Variants in EXOC6B observed in about 807,000 individuals in gnomAD.
The protein encoded by EXOC6B is SEC15 homolog B.
In EXOC6B, 54 loss-of-function variants were observed where a neutral mutation model predicts 113.5. That is an observed-to-expected ratio of 0.48 (90% CI 0.38 to 0.60). The LOEUF (loss-of-function observed/expected upper bound fraction) is 0.60. Among genes scored for constraint, EXOC6B ranks in the 20% least tolerant of loss-of-function variants. The pLI is 0.00. For missense variants in EXOC6B, 797 were observed against 977.5 expected, an observed-to-expected ratio of 0.82 and a Z score of 2.46; for synonymous variants, 357 against 339.0, an observed-to-expected ratio of 1.05 and a Z score of -0.58.
intron 16 of EXOC6B, among the ~76,000 whole-genome samples, chr2:72,484,230 TG>T (rs1414628940): frequency 6.6e-6 from 1 of 151,172 alleles, no homozygotes; most frequent in Non-Finnish European, 1.5e-5. Context: ...TATGTCATGG[TG>T]GTTTGCTGCA....
At chr2:72,550,778 A>G (rs1326126665) in intron 8 of EXOC6B, among the ~76,000 whole-genome samples, 1 of 152,176 alleles carries the variant, frequency 6.6e-6, no homozygotes, top group African/African-American at 2.4e-5. Context: ...AAAAATTTGT[A>G]TATTGACGAC....
At chr2:72,741,233 C>T (rs1681301978) in intron 2 of EXOC6B, 71 bp downstream of exon 2, 1 of 1,441,740 alleles carries the variant, frequency 6.9e-7, no homozygotes, top group Non-Finnish European at 9.4e-7. Flanking sequence ...ATGTTATAAT[C>T]CTTAATCCTT....
At chr2:72,700,768 T>C (rs555627709) in intron 6 of EXOC6B, among the ~76,000 whole-genome samples, 3 of 152,254 alleles carry the variant, frequency 2.0e-5, no homozygotes, top group Admixed American at 6.5e-5. Flanking sequence ...CTTGCCAATA[T>C]GGCAAAACCC....
rs182212866 is a variant in EXOC6B, at chr2:72,586,630, T to A, written c.670-10962A>T. On this transcript the variant is annotated intron_variant, in intron 6 of 21. Transcript: ENST00000272427. ...TGCTGGGCGTGGTGGCACATGCCTG[T>A]AATCCCAGCTACTTGGAAGGCTGAG... Among the ~76,000 whole-genome samples the A allele has an allele frequency of 3.1e-3, 467 of 152,178 alleles. 8 individuals are homozygous for A. The highest frequency in any genetic ancestry group is 0.011 in the African/African-American group (445 of 41,482).
chr2:72,750,104 G>A (rs1288915624), intron 1 of EXOC6B, among the ~76,000 whole-genome samples: 1 of 151,314 alleles, frequency 6.6e-6, no homozygotes, highest in Non-Finnish European at 1.5e-5. Context: ...CTAATTTTCT[G>A]AGAAAGAACC....
intron 18 of EXOC6B, among the ~76,000 whole-genome samples, chr2:72,450,710 G>A (rs1431513874): frequency 1.3e-5 from 2 of 152,154 alleles, no homozygotes; most frequent in Admixed American, 6.5e-5. Flanking sequence ...TAAAATAATT[G>A]TGTTACATTC....
intron 20 of EXOC6B, among the ~76,000 whole-genome samples, chr2:72,330,244 A>G (rs1688349571): frequency 6.6e-6 from 1 of 152,112 alleles, no homozygotes; most frequent in Admixed American, 6.6e-5. Flanking sequence ...ACTATTATCC[A>G]AGGAAGTTAA....
At chr2:72,551,515 T>A (rs1451220477) in intron 8 of EXOC6B, among the ~76,000 whole-genome samples, 1 of 141,056 alleles carries the variant, frequency 7.1e-6, no homozygotes, top group Non-Finnish European at 1.5e-5. Context: ...AAATCTTTTT[T>A]TTTTTTTGAG....
At chr2:72,512,849 T>A (rs1701014172) in intron 11 of EXOC6B, among the ~76,000 whole-genome samples, 1 of 151,914 alleles carries the variant, frequency 6.6e-6, no homozygotes, top group Admixed American at 6.6e-5. Flanking sequence ...GAGGATGAAA[T>A]AAGAGAATAT....
chr2:72,523,778 C>T (rs1701615598), intron 8 of EXOC6B, among the ~76,000 whole-genome samples: 1 of 56,102 alleles, frequency 1.8e-5, no homozygotes, highest in African/African-American at 9.2e-5. Context: ...GAGACTCCAT[C>T]TCAAAAAAAA....
chr2:72,500,055 G>A (rs564816679), intron 11 of EXOC6B, 83 bp from the exon 12 acceptor site: 20 of 884,306 alleles, frequency 2.3e-5, no homozygotes, highest in East Asian at 8.1e-5. Flanking sequence ...ATTGTTTAGC[G>A]CTTTATCTGG....
At chr2:72,325,360 T>C (rs1355664499) in intron 20 of EXOC6B, among the ~76,000 whole-genome samples, 3 of 152,116 alleles carry the variant, frequency 2.0e-5, no homozygotes, top group Non-Finnish European at 4.4e-5. Flanking sequence ...TTTGCAGATA[T>C]GTACCCTACA....
At chr2:72,475,086 C>A (rs1698652854) in intron 17 of EXOC6B, among the ~76,000 whole-genome samples, 2 of 152,106 alleles carry the variant, frequency 1.3e-5, no homozygotes, top group Admixed American at 1.3e-4. Flanking sequence ...TGTGGTTTTG[C>A]TGGGGACTGT....
At chr2:72,680,868 G>A (rs1201833810) in intron 6 of EXOC6B, among the ~76,000 whole-genome samples, 1 of 152,048 alleles carries the variant, frequency 6.6e-6, no homozygotes, top group Non-Finnish European at 1.5e-5. Context: ...TCAATTCTAG[G>A]GGAAAAAAGA....
At chr2:72,284,803 C>T (rs1212186925) in intron 20 of EXOC6B, among the ~76,000 whole-genome samples, 1 of 151,836 alleles carries the variant, frequency 6.6e-6, no homozygotes, top group Admixed American at 6.6e-5. Context: ...GGTTAATATA[C>T]AAAAATTATT....
At chr2:72,732,816 G>C (rs1481654469) in intron 3 of EXOC6B, among the ~76,000 whole-genome samples, 1 of 152,072 alleles carries the variant, frequency 6.6e-6, no homozygotes, top group Non-Finnish European at 1.5e-5. Flanking sequence ...TAACATATCA[G>C]GCAGAGGAAG....
intron 19 of EXOC6B, among the ~76,000 whole-genome samples, chr2:72,360,803 A>C (rs1490373925): frequency 6.6e-6 from 1 of 151,988 alleles, no homozygotes; most frequent in African/African-American, 2.4e-5. Context: ...TTTCTTGATA[A>C]ATGCAAGGAT....
At chr2:72,471,550 C>T (rs1037468881) in intron 17 of EXOC6B, among the ~76,000 whole-genome samples, 2 of 152,080 alleles carry the variant, frequency 1.3e-5, no homozygotes, top group African/African-American at 4.8e-5. Flanking sequence ...TGCCTATGTC[C>T]TGAATGGTAT....
intron 16 of EXOC6B, among the ~76,000 whole-genome samples, chr2:72,489,420 A>T (rs1268969123): frequency 6.6e-6 from 1 of 152,108 alleles, no homozygotes; most frequent in Non-Finnish European, 1.5e-5. Flanking sequence ...AATTTTTTTT[A>T]CTTCTCTTAA....
Sources: allele counts gnomAD v4.1 joint callset (sites outside exome capture counted in the v4.1 genomes callset), GRCh38; gene constraint gnomAD v4.1.1; transcripts MANE v1.5; gene names NCBI Gene and HGNC (gene_info 2026-07-23, HGNC 2026-07-21).